Variants in CLEC16A observed in about 807,000 individuals in gnomAD.
CLEC16A encodes protein CLEC16A.
A neutral mutation model predicts 109.5 loss-of-function variants in CLEC16A; 51 were observed. The ratio of observed to expected loss-of-function variants is 0.47; its 90% CI spans 0.37 to 0.59. The LOEUF (loss-of-function observed/expected upper bound fraction) is 0.59, where lower values mean the gene tolerates loss of function less well. Among genes scored for constraint, CLEC16A ranks in the 20% least tolerant of loss-of-function variants. The probability of loss-of-function intolerance (pLI) is 0.00; values close to 1 mark genes in which losing one functional copy is unlikely to be tolerated. For synonymous variants in CLEC16A, 673 were observed against 564.2 expected, an observed-to-expected ratio of 1.19 and a Z score of -2.73; for missense variants, 1,339 against 1,394.0, an observed-to-expected ratio of 0.96 and a Z score of 0.63.
intron 13 of CLEC16A, chr16:11,027,118 A>G: frequency 6.6e-7 from 1 of 1,510,654 alleles, no homozygotes; most frequent in Admixed American, 1.7e-5. Context: ...ACCCAGGCAA[A>G]GCAGGAACTT....
chr16:10,960,463 A>C (rs1310597923), intron 2 of CLEC16A, among the ~76,000 whole-genome samples: 1 of 152,186 alleles, frequency 6.6e-6, no homozygotes, highest in Non-Finnish European at 1.5e-5. Flanking sequence ...TATAGGAGTA[A>C]AGTTCCCCTC....
chr16:10,966,642 A>G (rs2042522366), intron 3 of CLEC16A, among the ~76,000 whole-genome samples: 3 of 152,348 alleles, frequency 2.0e-5, no homozygotes, highest in South Asian at 2.1e-4. Context: ...GAAACTTACA[A>G]TCATGGCAGA....
chr16:11,055,307 A>G (rs1278888426), intron 18 of CLEC16A, among the ~76,000 whole-genome samples: 1 of 152,230 alleles, frequency 6.6e-6, no homozygotes, highest in Non-Finnish European at 1.5e-5. Context: ...TCCTGCAGAT[A>G]GAGTGATCGG....
chr16:11,170,697 G>A (rs1041360575), intron 23 of CLEC16A, among the ~76,000 whole-genome samples: 5 of 152,172 alleles, frequency 3.3e-5, no homozygotes, highest in Admixed American at 6.5e-5. Context: ...CTGTCTCAGT[G>A]AATTATTGTT....
At chr16:10,951,913 C>T (rs1030768433) in intron 1 of CLEC16A, among the ~76,000 whole-genome samples, 3 of 152,196 alleles carry the variant, frequency 2.0e-5, no homozygotes, top group Non-Finnish European at 2.9e-5. Flanking sequence ...TGTGCTTGTC[C>T]TTTCAGTGTC....
intron 19 of CLEC16A, among the ~76,000 whole-genome samples, chr16:11,077,281 T>C (rs2049428712): frequency 6.6e-6 from 1 of 151,926 alleles, no homozygotes; most frequent in African/African-American, 2.4e-5. Context: ...ACCAATCTGA[T>C]TGACATGGTG....
chr16:11,039,357 C>A (rs1275060319), intron 13 of CLEC16A, among the ~76,000 whole-genome samples: 1 of 152,130 alleles, frequency 6.6e-6, no homozygotes, highest in African/African-American at 2.4e-5. Context: ...TTGCATCAAT[C>A]CTGATTTCCT....
chr16:11,146,307 C>G (rs964891450), intron 22 of CLEC16A, among the ~76,000 whole-genome samples: 5 of 152,188 alleles, frequency 3.3e-5, no homozygotes, highest in African/African-American at 1.2e-4. Context: ...ACTGTAAGCT[C>G]CAGGAAAACA....
At chr16:11,081,839 G>A (rs1315770450) in intron 19 of CLEC16A, among the ~76,000 whole-genome samples, 1 of 152,178 alleles carries the variant, frequency 6.6e-6, no homozygotes, top group African/African-American at 2.4e-5. Flanking sequence ...TAAATGAAAT[G>A]AAATAAATGT....
chr16:11,060,325 A>G (rs1597244057), intron 18 of CLEC16A, among the ~76,000 whole-genome samples: 1 of 143,766 alleles, frequency 7.0e-6, no homozygotes, highest in East Asian at 2.0e-4. Flanking sequence ...AGTTGAAGAG[A>G]CTCACCCAGG....
At chr16:11,166,283 G>T in intron 22 of CLEC16A, 105 bp from the exon 23 acceptor site, 2 of 1,289,964 alleles carry the variant, frequency 1.6e-6, no homozygotes, top group Non-Finnish European at 2.1e-6. Flanking sequence ...GAACAGAGCA[G>T]GACTTTCAAG....
intron 22 of CLEC16A, among the ~76,000 whole-genome samples, chr16:11,131,578 G>T (rs926977759): frequency 3.9e-5 from 6 of 152,332 alleles, no homozygotes; most frequent in African/African-American, 1.4e-4. Context: ...AGCCAGGCAG[G>T]TTGACATCTC....
At chr16:11,068,822 A>G (rs1748814199) in intron 19 of CLEC16A, among the ~76,000 whole-genome samples, 1 of 151,980 alleles carries the variant, frequency 6.6e-6, no homozygotes, top group African/African-American at 2.4e-5. Flanking sequence ...TTTAAAATTT[A>G]TTTATTTTTT....
chr16:10,981,832 A>G (rs1328238568), intron 9 of CLEC16A, among the ~76,000 whole-genome samples: 1 of 152,086 alleles, frequency 6.6e-6, no homozygotes, highest in Non-Finnish European at 1.5e-5. Context: ...ACTAGGGGCA[A>G]TTTTGCCCCT....
intron 19 of CLEC16A, among the ~76,000 whole-genome samples, chr16:11,108,896 G>T (rs1173211369): frequency 2.0e-5 from 3 of 151,990 alleles, no homozygotes; most frequent in Admixed American, 1.3e-4. Flanking sequence ...GGATCACGAG[G>T]TCAGGAGATC....
intron 19 of CLEC16A, among the ~76,000 whole-genome samples, chr16:11,070,305 C>T (rs1017557310): frequency 2.6e-5 from 4 of 151,848 alleles, no homozygotes; most frequent in African/African-American, 4.8e-5. Context: ...CTCCTGACCT[C>T]GTGATCCGCC....
In CLEC16A at chr16:10,961,142, A is replaced by G. The variant is rs926668641; in HGVS notation, c.210-1313A>G. Among the ~76,000 whole-genome samples, 1 of 152,206 alleles carries G rather than the reference A, an allele frequency of 6.6e-6. No individual in the cohort carries two copies. The highest frequency in any genetic ancestry group is 2.4e-5 in the African/African-American group (1 of 41,450). ...GGCAGTGAGTTTGCTGGTGGCCCTTAGGAGTCACTGATTTATGCAGCTTGA... is the reference window on the plus strand; with the variant it reads ...GGCAGTGAGTTTGCTGGTGGCCCTTGGGAGTCACTGATTTATGCAGCTTGA... On this transcript the variant is annotated intron_variant, in intron 2 of 23. Coordinates refer to ENST00000409790, the MANE Select transcript of CLEC16A (RefSeq NM_015226.3). The surrounding 1 kb of genome is among the most constrained non-coding windows in gnomAD (Gnocchi z 4.3).
intron 19 of CLEC16A, among the ~76,000 whole-genome samples, chr16:11,079,511 T>A (rs1264539559): frequency 6.6e-6 from 1 of 152,226 alleles, no homozygotes; most frequent in East Asian, 1.9e-4. Context: ...AGACTTTCTT[T>A]CCTTTTCCTT....
In CLEC16A at chr16:11,132,243, G is replaced by A. The variant is rs28517346; in HGVS notation, c.2641+6097G>A. Among the ~76,000 whole-genome samples the A allele has an allele frequency of 6.8e-4, 19 of 27,888 alleles. No homozygotes were observed. In the South Asian group the frequency reaches 6.9e-3, roughly 10 times the overall value. The allele number at this position is 27,888 out of a possible 152,430, so 18.3% of individuals were successfully genotyped here. A position where few individuals can be genotyped will look rare whatever the true frequency, so the allele number is the denominator to read the frequency against. On this transcript the variant is annotated intron_variant, in intron 22 of 23. Coordinates refer to ENST00000409790, the MANE Select transcript of CLEC16A (RefSeq NM_015226.3). Reference sequence around the variant, plus strand: ...TAGTCATCGCCCACCCACCCCCCCCGCCCCCGCCCCCATCCAGCCCCTGGC... The same window carrying A: ...TAGTCATCGCCCACCCACCCCCCCCACCCCCGCCCCCATCCAGCCCCTGGC...
Sources: gnomAD v4.1 joint callset for allele counts (sites outside exome capture counted in the v4.1 genomes callset) on GRCh38, gnomAD v4.1.1 for gene constraint, Gnocchi (gnomAD v3.1) non-coding constraint, MANE v1.5 for transcripts, NCBI Gene and HGNC (gene_info 2026-07-23, HGNC 2026-07-21) for gene names.